The following DSCAML1 variants were observed in gnomAD, a reference collection of about 807,000 sequenced individuals.
The protein encoded by DSCAML1 is DS cell adhesion molecule like 1.
DSCAML1 carries 38 observed loss-of-function variants against 200.5 expected under a neutral mutation model. The ratio of observed to expected loss-of-function variants is 0.19; its 90% CI spans 0.15 to 0.25. The LOEUF (loss-of-function observed/expected upper bound fraction) is 0.25, where lower values mean the gene tolerates loss of function less well. Ranked by LOEUF, DSCAML1 falls within the 10% of genes least tolerant of loss-of-function variation. The pLI is 1.00. For synonymous variants in DSCAML1, 1,215 were observed against 1,165.0 expected (o/e 1.04, Z -0.87); for missense variants, 2,223 against 2,858.8 (o/e 0.78, Z 5.07).
chr11:117,438,274 C>T (rs909284701), intron 24 of DSCAML1, among the ~76,000 whole-genome samples, 191 bp from the exon 25 acceptor site: 1 of 151,054 alleles, frequency 6.6e-6, no homozygotes, highest in Non-Finnish European at 1.5e-5. Context: ...CTATGTTAAA[C>T]CAACCAATCA....
At chr11:117,809,982 TACAC>T (rs951756535) in intron 1 of DSCAML1, among the ~76,000 whole-genome samples, 5 of 144,840 alleles carry the variant, frequency 3.5e-5, no homozygotes, top group Admixed American at 2.1e-4. Flanking sequence ...CACACACTCA[TACAC>T]ACATTCACAT....
chr11:117,688,483 G>A (rs2053443271), intron 3 of DSCAML1, among the ~76,000 whole-genome samples: 1 of 152,224 alleles, frequency 6.6e-6, no homozygotes, highest in Non-Finnish European at 1.5e-5. Context: ...CATCCAGGCA[G>A]GGAGAAGAGC....
rs2048893814 is a variant in DSCAML1, at chr11:117,480,568, G to T, written c.2660C>A (p.Pro887His). 2 of 1,559,486 alleles carry T rather than the reference G, an allele frequency of 1.3e-6. No homozygotes were observed. Among genetic ancestry groups the T allele is most frequent in the Admixed American group, 1.9e-5 (1 of 51,698 alleles). ...GATCTCCAGCTCTGGGGGGTCGGGG[G>T]GCTCTAGGGTGCGGCAGTGGAGGGG... ...RGLIQLTVQEPPDPPELEIRE... is the reference protein window; with the variant it reads ...RGLIQLTVQEHPDPPELEIRE... The change falls in exon 14 of 33, where the codon CCC becomes CAC. Residue 887 changes from proline to histidine, a missense_variant. Transcript: ENST00000651296. This position sits in a 1 kb window ranked among gnomAD's most constrained non-coding sequence, Gnocchi z 4.1.
chr11:117,600,866 G>A (rs1030273794), intron 3 of DSCAML1, among the ~76,000 whole-genome samples: 1 of 152,178 alleles, frequency 6.6e-6, no homozygotes, highest in African/African-American at 2.4e-5. Flanking sequence ...GGAGGCCAGA[G>A]CTGGAGGAGA....
chr11:117,484,719 T>C (rs1021734642), intron 11 of DSCAML1, among the ~76,000 whole-genome samples: 3 of 152,320 alleles, frequency 2.0e-5, no homozygotes, highest in African/African-American at 7.2e-5. Flanking sequence ...AGGACTTGCA[T>C]TGCAGATGCC....
At position 117,427,850 on chromosome 11, in the gene DSCAML1, T is replaced by C. The variant is rs1240857255; in HGVS notation, c.*478A>G. On this transcript the variant is annotated 3_prime_UTR_variant, in exon 33 of 33. Transcript: ENST00000651296. ...GTATTAACACATAAGCATCTGCAAATTGAAGCAACTCCTGGTTTTCTTGGA... is the reference window on the plus strand; with the variant it reads ...GTATTAACACATAAGCATCTGCAAACTGAAGCAACTCCTGGTTTTCTTGGA... 1 of 153,184 alleles carries C rather than the reference T, an allele frequency of 6.5e-6. No individual in the cohort carries two copies. The highest frequency in any genetic ancestry group is 1.5e-5 in the Non-Finnish European group (1 of 68,456). 9.5% of individuals were successfully genotyped at this position (153,184 alleles called of 1,614,324 possible).
intron 3 of DSCAML1, among the ~76,000 whole-genome samples, chr11:117,698,999 C>G (rs991260156): frequency 6.6e-6 from 1 of 152,198 alleles, no homozygotes; most frequent in Non-Finnish European, 1.5e-5. Flanking sequence ...TGTAATATTA[C>G]CCGGAAGAGG....
intron 3 of DSCAML1, among the ~76,000 whole-genome samples, chr11:117,701,352 G>T (rs960100517): frequency 6.6e-6 from 1 of 152,176 alleles, no homozygotes; most frequent in Non-Finnish European, 1.5e-5. Flanking sequence ...TTTGCTGAAC[G>T]ATGATACCAC....
At chr11:117,772,021 C>A (rs966445470) in intron 3 of DSCAML1, among the ~76,000 whole-genome samples, 2 of 152,094 alleles carry the variant, frequency 1.3e-5, no homozygotes, top group Non-Finnish European at 2.9e-5. Flanking sequence ...GAAGGCAGGG[C>A]TCCAGGAATG....
At chr11:117,808,714 G>A (rs1328775589) in intron 1 of DSCAML1, among the ~76,000 whole-genome samples, 1 of 152,180 alleles carries the variant, frequency 6.6e-6, no homozygotes, top group Non-Finnish European at 1.5e-5. Context: ...CTAATACAGT[G>A]TCTGGCACAT....
intron 3 of DSCAML1, among the ~76,000 whole-genome samples, chr11:117,715,685 G>C (rs1427442010): frequency 6.6e-6 from 1 of 152,172 alleles, no homozygotes; most frequent in Non-Finnish European, 1.5e-5. Flanking sequence ...GCCTGGAGGA[G>C]AGGCAGAGGC....
chr11:117,777,091 G>A (rs1332588907), intron 2 of DSCAML1, among the ~76,000 whole-genome samples, 154 bp from the exon 3 acceptor site: 1 of 152,032 alleles, frequency 6.6e-6, no homozygotes, highest in Non-Finnish European at 1.5e-5. Flanking sequence ...CAGCCTAGAA[G>A]CCCCTGCCAT....
At chr11:117,693,414 A>T (rs541819988) in intron 3 of DSCAML1, among the ~76,000 whole-genome samples, 9 of 152,132 alleles carry the variant, frequency 5.9e-5, no homozygotes, top group African/African-American at 2.2e-4. Flanking sequence ...TCATTCATCT[A>T]TTTGAAAAAC....
In DSCAML1 at chr11:117,462,350, G is replaced by A. The variant is rs111973057; in HGVS notation, c.3266-754C>T. ...TTTAAGCTGAGGTTCACCCTGGGGC[G>A]CAGTGCAGCCTGCCCCTCCTGAGAT... On this transcript the variant is annotated intron_variant, in intron 17 of 32. Transcript: ENST00000651296. 6.1e-3 allele frequency among the ~76,000 whole-genome samples: 930 copies of A among 152,320 alleles called. 7 individuals are homozygous for A. Among genetic ancestry groups the A allele is most frequent in the African/African-American group, 0.022 (900 of 41,578 alleles).
At position 117,516,551 on chromosome 11, in the gene DSCAML1, C is replaced by T. The variant is rs780600369; in HGVS notation, c.1699G>A (p.Gly567Ser). 1.2e-6 allele frequency: 2 copies of T among 1,613,936 alleles called. No homozygotes were observed. Among genetic ancestry groups the T allele is most frequent in the East Asian group, 2.2e-5 (1 of 44,878 alleles). The change falls in exon 8 of 33, where the codon GGC (glycine) becomes AGC (serine). Residue 567 changes from glycine to serine, a missense_variant. By Grantham distance (56) the Gly-to-Ser change is moderately conservative. Transcript: ENST00000651296. This position sits in a 1 kb window ranked among gnomAD's most constrained non-coding sequence, Gnocchi z 5.7. ...CACAGGTACTCCCCCTCATCCATGC[C>T]CTTCTGCACGTCAGTCAGCTTGAGG... Reference protein sequence around the residue: ...GTLKLTDVQKGMDEGEYLCSV... With the variant: ...GTLKLTDVQKSMDEGEYLCSV...
chr11:117,437,030 G>C lies in DSCAML1; in HGVS notation c.4720+92C>G. Reference sequence around the variant, plus strand: ...TGCATTCCTGCCTGTTTTTCTATTAGTCTGTCTCTTTATGTATCTGCCACT... The same window carrying C: ...TGCATTCCTGCCTGTTTTTCTATTACTCTGTCTCTTTATGTATCTGCCACT... On this transcript the variant is annotated intron_variant, in intron 26 of 32. Transcript: ENST00000651296. This position sits in a 1 kb window ranked among gnomAD's most constrained non-coding sequence, Gnocchi z 5.3. 1 of 1,482,362 alleles carries C rather than the reference G, an allele frequency of 6.7e-7. No individual in the cohort carries two copies. The highest frequency in any genetic ancestry group is 1.3e-5 in the South Asian group (1 of 75,596). The allele number at this position is 1,482,362 out of a possible 1,614,324, so 91.8% of individuals were successfully genotyped here.
chr11:117,719,764 G>A (rs1033347985), intron 3 of DSCAML1, among the ~76,000 whole-genome samples: 9 of 152,162 alleles, frequency 5.9e-5, no homozygotes, highest in Admixed American at 1.3e-4. Flanking sequence ...CCACAATCTC[G>A]TGTCTTAACT....
chr11:117,670,153 C>G (rs2137667787), intron 3 of DSCAML1, among the ~76,000 whole-genome samples: 1 of 152,244 alleles, frequency 6.6e-6, no homozygotes, highest in Middle Eastern at 3.4e-3. Context: ...GGCACCTAGG[C>G]CTTTGGAAAT....
chr11:117,528,536 T>C (rs1293592544), intron 4 of DSCAML1, among the ~76,000 whole-genome samples: 1 of 152,186 alleles, frequency 6.6e-6, no homozygotes, highest in Non-Finnish European at 1.5e-5. Context: ...TAGGCTAGGC[T>C]GGCTGGGGAT....
Sources: allele counts gnomAD v4.1 joint callset (sites outside exome capture counted in the v4.1 genomes callset), GRCh38; gene constraint gnomAD v4.1.1; non-coding constraint Gnocchi (gnomAD v3.1); transcripts MANE v1.5; gene names NCBI Gene and HGNC (gene_info 2026-07-23, HGNC 2026-07-21).